LMNTD1: variants seen among roughly 807,000 people sequenced by gnomAD.
LMNTD1 encodes lamin tail domain-containing protein 1.
Under a neutral mutation model 50.9 loss-of-function variants are expected in LMNTD1, and 35 were observed. The observed-to-expected ratio is 0.69, with a 90% CI of 0.53 to 0.91. The LOEUF is 0.91. Ranked by LOEUF, LMNTD1 falls within the 40% of genes least tolerant of loss-of-function variation. The probability of loss-of-function intolerance (pLI) is 0.00; values close to 1 mark genes in which losing one functional copy is unlikely to be tolerated. For missense variants in LMNTD1, 470 were observed against 475.5 expected, an observed-to-expected ratio of 0.99 and a Z score of 0.11; for synonymous variants, 153 against 161.9, an observed-to-expected ratio of 0.94 and a Z score of 0.42.
intron 8 of LMNTD1, among the ~76,000 whole-genome samples, chr12:25,518,018 T>C (rs1174885877): frequency 1.3e-5 from 2 of 152,174 alleles, no homozygotes; most frequent in South Asian, 2.1e-4. Context: ...TCTGTTTTTA[T>C]GCATTTTATA....
intron 1 of LMNTD1, among the ~76,000 whole-genome samples, chr12:25,583,582 T>A (rs1305338708): frequency 6.6e-6 from 1 of 152,232 alleles, no homozygotes; most frequent in Non-Finnish European, 1.5e-5. Context: ...TCCCCGTATC[T>A]TTTTGAATCT....
At chr12:25,581,571 AT>A (rs1351505345) in intron 1 of LMNTD1, among the ~76,000 whole-genome samples, 1 of 152,236 alleles carries the variant, frequency 6.6e-6, no homozygotes, top group African/African-American at 2.4e-5. Context: ...TAGGTATCAA[AT>A]TCTGACATAA....
At chr12:25,498,979 T>C (rs1169020227) in intron 9 of LMNTD1, among the ~76,000 whole-genome samples, 1 of 152,044 alleles carries the variant, frequency 6.6e-6, no homozygotes, top group Non-Finnish European at 1.5e-5. Context: ...GTGTTCAGAG[T>C]CTTTCCATTC....
chr12:25,537,036 G>A lies in LMNTD1; in HGVS notation c.491+9338C>T, dbSNP rs543307576. Among the ~76,000 whole-genome samples, 961 of 145,560 alleles carry A rather than the reference G, an allele frequency of 6.6e-3. 2 individuals are homozygous for A. Among genetic ancestry groups the A allele is most frequent in the South Asian group, 8.2e-3 (37 of 4,488 alleles). ...TTTTCTGACGGGCTTAAAAAACGGC[G>A]AACCACGAGATTATATCCCACACCT... On this transcript the variant is annotated intron_variant, in intron 4 of 9. Transcript: ENST00000458174.
chr12:25,553,948 T>C (rs1943920174), upstream of LMNTD1, among the ~76,000 whole-genome samples: 1 of 152,190 alleles, frequency 6.6e-6, no homozygotes, highest in Non-Finnish European at 1.5e-5. Context: ...AATACCTGCT[T>C]TCAGAAATAA....
At chr12:25,584,384 A>G (rs1267538880) in intron 1 of LMNTD1, among the ~76,000 whole-genome samples, 4 of 152,150 alleles carry the variant, frequency 2.6e-5, no homozygotes, top group African/African-American at 9.7e-5. Flanking sequence ...CTGAACCTGT[A>G]CTCTTTAAGC....
chr12:25,517,703 G>A (rs928886942), intron 8 of LMNTD1, among the ~76,000 whole-genome samples: 9 of 114,538 alleles, frequency 7.9e-5, no homozygotes, highest in African/African-American at 3.2e-4. Context: ...AACTTAAAGT[G>A]TAAGAATAAT....
intron 1 of LMNTD1, among the ~76,000 whole-genome samples, chr12:25,600,150 T>C (rs1029063939): frequency 3.9e-5 from 6 of 151,954 alleles, no homozygotes; most frequent in Non-Finnish European, 8.8e-5. Context: ...TCCACACACC[T>C]ACAGCGAACT....
chr12:25,552,762 GT>G (rs918960359), intron 2 of LMNTD1, 108 bp downstream of exon 2: 6 of 680,896 alleles, frequency 8.8e-6, no homozygotes, highest in Non-Finnish European at 1.6e-5. Flanking sequence ...ATATATTCTA[GT>G]TCTAACTGGT....
At chr12:25,514,431 T>G (rs1940585830) in intron 8 of LMNTD1, among the ~76,000 whole-genome samples, 1 of 152,156 alleles carries the variant, frequency 6.6e-6, no homozygotes, top group Non-Finnish European at 1.5e-5. Context: ...ATGTTCTCAC[T>G]TATTTGTAGG....
At chr12:25,520,848 AC>A in intron 6 of LMNTD1, among the ~76,000 whole-genome samples, 1 of 151,952 alleles carries the variant, frequency 6.6e-6, no homozygotes, top group Non-Finnish European at 1.5e-5. Flanking sequence ...TTTTCTCCAT[AC>A]TCTCACCAAC....
chr12:25,553,020 G>A (rs780120412), intron 1 of LMNTD1, 31 bp from the exon 2 acceptor site: 51 of 1,603,274 alleles, frequency 3.2e-5, no homozygotes, highest in East Asian at 4.5e-5. Flanking sequence ...ATCAGATGAC[G>A]AATATGGCTG....
At chr12:25,522,389 G>A (rs576309602) in intron 6 of LMNTD1, among the ~76,000 whole-genome samples, 2 of 152,244 alleles carry the variant, frequency 1.3e-5, no homozygotes, top group East Asian at 3.9e-4. Context: ...CGATGACAAT[G>A]ATGATAATGT....
At chr12:25,529,302 T>C (rs1312831538) in intron 4 of LMNTD1, among the ~76,000 whole-genome samples, 1 of 152,150 alleles carries the variant, frequency 6.6e-6, no homozygotes, top group African/African-American at 2.4e-5. Flanking sequence ...ATGAACAGTG[T>C]TTACTAACCA....
intron 6 of LMNTD1, 70 bp from the exon 7 acceptor site, chr12:25,520,145 C>CAT (rs71065950): frequency 0.035 from 8,222 of 233,270 alleles, 255 homozygotes; most frequent in African/African-American, 0.11. Flanking sequence ...ATGAGATATA[C>CAT]ATATATATAT....
chr12:25,523,183 A>AC (rs1941463753), intron 6 of LMNTD1, among the ~76,000 whole-genome samples: 1 of 151,944 alleles, frequency 6.6e-6, no homozygotes, highest in African/African-American at 2.4e-5. Context: ...ACAGGCGGGC[A>AC]CCACCACACC....
chr12:25,614,775 T>C (rs927600731), intron 1 of LMNTD1, among the ~76,000 whole-genome samples: 3 of 152,140 alleles, frequency 2.0e-5, no homozygotes, highest in Admixed American at 6.5e-5. Flanking sequence ...CTGGGTGACC[T>C]AAACAACAGA....
intron 1 of LMNTD1, among the ~76,000 whole-genome samples, chr12:25,624,080 G>A (rs761831929): frequency 6.6e-6 from 1 of 152,116 alleles, no homozygotes; most frequent in Non-Finnish European, 1.5e-5. Flanking sequence ...CATAAACTTG[G>A]CTTATACTTG....
chr12:25,559,681 A>G (rs985496882), intron 1 of LMNTD1, among the ~76,000 whole-genome samples: 1 of 152,160 alleles, frequency 6.6e-6, no homozygotes, highest in Non-Finnish European at 1.5e-5. Flanking sequence ...AAGTGTTCCT[A>G]TTTCTCCACA....
Sources: gnomAD v4.1 joint callset for allele counts (sites outside exome capture counted in the v4.1 genomes callset) on GRCh38, gnomAD v4.1.1 for gene constraint, MANE v1.5 for transcripts, NCBI Gene and HGNC (gene_info 2026-07-23, HGNC 2026-07-21) for gene names.